The following CPNE4 variants were observed in gnomAD, a reference collection of about 807,000 sequenced individuals.
CPNE4 encodes the protein copine-4.
A neutral mutation model predicts 67.9 loss-of-function variants in CPNE4; 25 were observed. That is an observed-to-expected ratio of 0.37 (90% confidence interval 0.27 to 0.51). CPNE4 has a LOEUF of 0.51. CPNE4 is among the 20% of genes least tolerant of loss of function. CPNE4 has a pLI of 0.93. For missense variants in CPNE4, 464 were observed against 690.8 expected, an observed-to-expected ratio of 0.67 and a Z score of 3.68; for synonymous variants, 242 against 244.9, an observed-to-expected ratio of 0.99 and a Z score of 0.11.
At chr3:131,963,861 C>T (rs1239331595) in intron 1 of CPNE4, among the ~76,000 whole-genome samples, 1 of 152,218 alleles carries the variant, frequency 6.6e-6, no homozygotes, top group Non-Finnish European at 1.5e-5. Context: ...GAGAATCTCA[C>T]AGCAAAGCTC....
At chr3:131,956,742 G>T (rs1037624196) in intron 1 of CPNE4, among the ~76,000 whole-genome samples, 2 of 152,100 alleles carry the variant, frequency 1.3e-5, no homozygotes, top group Non-Finnish European at 2.9e-5. Flanking sequence ...TTGTAGCCTT[G>T]AATCTTGGAG....
At chr3:131,887,703 AT>A (rs1386208125) in intron 2 of CPNE4, among the ~76,000 whole-genome samples, 5 of 152,140 alleles carry the variant, frequency 3.3e-5, no homozygotes, top group Admixed American at 2.0e-4. Flanking sequence ...CAAGCCCTAC[AT>A]TTGCATCTTT....
At chr3:131,995,557 A>C (rs1024740873) in intron 1 of CPNE4, among the ~76,000 whole-genome samples, 1 of 152,194 alleles carries the variant, frequency 6.6e-6, no homozygotes, top group Admixed American at 6.5e-5. Context: ...GAGAAAAGAC[A>C]CCATGAAATG....
At chr3:131,702,568 C>G (rs935441866) in intron 3 of CPNE4, among the ~76,000 whole-genome samples, 1 of 152,212 alleles carries the variant, frequency 6.6e-6, no homozygotes, top group African/African-American at 2.4e-5. Flanking sequence ...CATTGTGATT[C>G]ATCCGCATTG....
At chr3:131,862,380 C>A (rs1336552401) in intron 2 of CPNE4, among the ~76,000 whole-genome samples, 1 of 152,166 alleles carries the variant, frequency 6.6e-6, no homozygotes, top group Admixed American at 6.5e-5. Context: ...TCTGTCACAT[C>A]CTCATTGTAC....
At chr3:131,786,639 C>G (rs1036117824) in intron 2 of CPNE4, among the ~76,000 whole-genome samples, 3 of 152,108 alleles carry the variant, frequency 2.0e-5, no homozygotes, top group African/African-American at 7.2e-5. Flanking sequence ...AGTATTTAGG[C>G]TGATGAGGTA....
At chr3:131,697,172 G>T (rs897863023) in intron 4 of CPNE4, among the ~76,000 whole-genome samples, 1 of 152,118 alleles carries the variant, frequency 6.6e-6, no homozygotes, top group African/African-American at 2.4e-5. Context: ...CAAAGATTTT[G>T]GTATAAGTGA....
At position 131,734,399 on chromosome 3, in the gene CPNE4, TTGGTGGAAA is replaced by T. The variant is rs1350087257; in HGVS notation, c.181-10783_181-10775del. ...TTCATCCTGTCTCTCAATTGAGGGA[TTGGTGGAAA>T]TGTGGTGTTGGGAACATATCTGAAG... is the stretch of plus-strand genomic sequence containing the variant. On this transcript the variant is annotated intron_variant, in intron 2 of 15. Coordinates refer to ENST00000429747, the MANE Select transcript of CPNE4 (RefSeq NM_130808.3). Among the ~76,000 whole-genome samples, 4 of 152,226 alleles carry T rather than the reference TTGGTGGAAA, an allele frequency of 2.6e-5. No homozygotes were observed. The East Asian group carries it at 7.7e-4, about 29-fold the overall frequency.
At chr3:131,694,266 T>G (rs1388357539) in intron 5 of CPNE4, among the ~76,000 whole-genome samples, 3 of 152,160 alleles carry the variant, frequency 2.0e-5, no homozygotes, top group African/African-American at 7.2e-5. Flanking sequence ...CAGTAAGTTT[T>G]AACTGCAAAC....
intron 2 of CPNE4, among the ~76,000 whole-genome samples, chr3:131,816,824 G>A (rs1449509052): frequency 6.6e-6 from 1 of 151,986 alleles, no homozygotes; most frequent in Non-Finnish European, 1.5e-5. Context: ...TATAATGTCA[G>A]CCTACCCCAT....
At chr3:131,668,429 G>T (rs1348845895) in intron 7 of CPNE4, among the ~76,000 whole-genome samples, 1 of 152,156 alleles carries the variant, frequency 6.6e-6, no homozygotes, top group Non-Finnish European at 1.5e-5. Context: ...TGTTTAGTCT[G>T]CCTGATGGAC....
intron 2 of CPNE4, among the ~76,000 whole-genome samples, chr3:131,832,479 C>G (rs2085412734): frequency 6.6e-6 from 1 of 152,196 alleles, no homozygotes; most frequent in African/African-American, 2.4e-5. Flanking sequence ...TGGTGACACA[C>G]TCAGTGGGCC....
At chr3:131,828,559 CT>C (rs1286381110) in intron 2 of CPNE4, among the ~76,000 whole-genome samples, 5 of 152,124 alleles carry the variant, frequency 3.3e-5, no homozygotes, top group Non-Finnish European at 7.3e-5. Flanking sequence ...TAAATTATTT[CT>C]GGTTTGAGCT....
At chr3:131,986,522 C>T (rs2073045590) in intron 1 of CPNE4, among the ~76,000 whole-genome samples, 2 of 152,156 alleles carry the variant, frequency 1.3e-5, no homozygotes, top group African/African-American at 4.8e-5. Context: ...CAAATCTGCT[C>T]TAGGCAAGAT....
intron 2 of CPNE4, among the ~76,000 whole-genome samples, chr3:131,777,246 A>T (rs114086694): frequency 0.016 from 2,469 of 152,234 alleles, 34 homozygotes; most frequent in Non-Finnish European, 0.024. Flanking sequence ...CTCATAAACC[A>T]GGAAAAGCTT....
chr3:131,600,202 T>C (rs1429171248), intron 7 of CPNE4, among the ~76,000 whole-genome samples: 2 of 152,116 alleles, frequency 1.3e-5, no homozygotes, highest in African/African-American at 2.4e-5. Context: ...TTGGGATCCA[T>C]GTAACATGAC....
intron 6 of CPNE4, among the ~76,000 whole-genome samples, chr3:131,677,577 A>C (rs2080614767): frequency 6.6e-6 from 1 of 152,116 alleles, no homozygotes; most frequent in African/African-American, 2.4e-5. Context: ...TTTACATTTG[A>C]GTCTTTAATC....
chr3:131,873,073 C>T (rs2087288601), intron 2 of CPNE4, among the ~76,000 whole-genome samples: 1 of 152,124 alleles, frequency 6.6e-6, no homozygotes, highest in Non-Finnish European at 1.5e-5. Context: ...CTTACATGGT[C>T]CTACATATCA....
intron 1 of CPNE4, among the ~76,000 whole-genome samples, chr3:131,923,060 A>G (rs1327623249): frequency 6.6e-6 from 1 of 152,202 alleles, no homozygotes; most frequent in African/African-American, 2.4e-5. Flanking sequence ...TATAAGTTGG[A>G]CCAGTTCATT....
Sources: allele counts gnomAD v4.1 joint callset (sites outside exome capture counted in the v4.1 genomes callset), GRCh38; gene constraint gnomAD v4.1.1; transcripts MANE v1.5; gene names NCBI Gene and HGNC (gene_info 2026-07-23, HGNC 2026-07-21).